Variants in HMGB1 observed in about 807,000 individuals in gnomAD.
HMGB1 encodes the protein high mobility group box 1, also known as high mobility group protein B1.
For missense variants in HMGB1, 79 were observed against 253.5 expected (o/e 0.31, Z 4.67); for synonymous variants, 81 against 84.0 (o/e 0.96, Z 0.19).
intron 1 of HMGB1, among the ~76,000 whole-genome samples, chr13:30,529,516 C>A (rs921015273): frequency 6.6e-6 from 1 of 152,164 alleles, no homozygotes; most frequent in Non-Finnish European, 1.5e-5. Flanking sequence ...TGAAACATGA[C>A]CATTTCAAAC....
chr13:30,541,154 TC>T (rs1868858827), intron 1 of HMGB1, among the ~76,000 whole-genome samples: 1 of 152,210 alleles, frequency 6.6e-6, no homozygotes, highest in Admixed American at 6.5e-5. Context: ...AAATTTATTG[TC>T]CACTTACATG....
intron 1 of HMGB1, chr13:30,616,644 G>A (rs371224518): frequency 5.9e-5 from 9 of 152,214 alleles, no homozygotes; most frequent in African/African-American, 2.2e-4. Context: ...ATCTAGTAAA[G>A]CAACAGAAAA....
intron 1 of HMGB1, chr13:30,465,249 C>T: frequency 4.8e-6 from 1 of 207,600 alleles, no homozygotes; most frequent in Non-Finnish European, 8.0e-6. Context: ...CTGCCGCCCC[C>T]AGGCCCCCGC....
chr13:30,585,561 C>A (rs1430281056), intron 1 of HMGB1, among the ~76,000 whole-genome samples: 1 of 151,738 alleles, frequency 6.6e-6, no homozygotes, highest in Non-Finnish European at 1.5e-5. Context: ...GCCTGTAATC[C>A]CAGCTACTCG....
intron 1 of HMGB1, among the ~76,000 whole-genome samples, chr13:30,586,479 G>GTTTTT (rs11315470): frequency 9.5e-6 from 1 of 105,092 alleles, no homozygotes; most frequent in Non-Finnish European, 2.0e-5. Flanking sequence ...GGTTTTTTTT[G>GTTTTT]TTTTTTTTTT....
chr13:30,534,365 C>T (rs921907091), intron 1 of HMGB1, among the ~76,000 whole-genome samples: 11 of 152,186 alleles, frequency 7.2e-5, no homozygotes, highest in African/African-American at 2.7e-4. Flanking sequence ...GAAAGCTCTG[C>T]TCTACAAAAA....
intron 1 of HMGB1, chr13:30,464,031 T>A: frequency 1.1e-6 from 1 of 897,112 alleles, no homozygotes; most frequent in Non-Finnish European, 1.3e-6. Flanking sequence ...TAGAACACCA[T>A]TTTAAACCAA....
intron 1 of HMGB1, among the ~76,000 whole-genome samples, chr13:30,550,603 C>T (rs1869382866): frequency 6.6e-6 from 1 of 152,160 alleles, no homozygotes; most frequent in Non-Finnish European, 1.5e-5. Context: ...GAACTGCTCC[C>T]ATGCCGAGGG....
chr13:30,470,084 A>T (rs189043753), upstream of HMGB1, among the ~76,000 whole-genome samples: 756 of 142,650 alleles, frequency 5.3e-3, 10 homozygotes, highest in African/African-American at 0.019. Flanking sequence ...GGTGCTGGCT[A>T]TTTTTTTTTT....
At position 30,471,654 on chromosome 13, in the gene HMGB1, C is replaced by CTTTTTT. The variant is rs1171119586; in HGVS notation, c.-14-7966_-14-7961dup. Among the ~76,000 whole-genome samples, 9 of 30,616 alleles carry CTTTTTT rather than the reference C, an allele frequency of 2.9e-4. 1 individual carries two copies. Among genetic ancestry groups the CTTTTTT allele is most frequent in the Admixed American group, 5.9e-4 (1 of 1,700 alleles). 20.1% of individuals were successfully genotyped at this position (30,616 alleles called of 152,430 possible). A position where few individuals can be genotyped will look rare whatever the true frequency, so the allele number is the denominator to read the frequency against. On this transcript the variant is annotated intron_variant, in intron 1 of 4. Transcript: ENST00000405805. ...ACAGGCATGAGCCACCGTGCCCGGC[C>CTTTTTT]TTTTTTTTTTTTTTTTTTTTTTTTT...
At chr13:30,474,255 G>A (rs957641719) in intron 1 of HMGB1, among the ~76,000 whole-genome samples, 1 of 152,076 alleles carries the variant, frequency 6.6e-6, no homozygotes, top group African/African-American at 2.4e-5. Context: ...AGTGGTTTTG[G>A]TTAACTAAAG....
chr13:30,560,667 A>G (rs1284499816), intron 1 of HMGB1, among the ~76,000 whole-genome samples: 5 of 152,200 alleles, frequency 3.3e-5, no homozygotes, highest in Non-Finnish European at 7.4e-5. Context: ...TTGGGCTTAA[A>G]GAGGTAGGAG....
intron 1 of HMGB1, among the ~76,000 whole-genome samples, chr13:30,587,912 A>T (rs552958285): frequency 6.6e-6 from 1 of 152,300 alleles, no homozygotes; most frequent in South Asian, 2.1e-4. Context: ...CTCAATACAT[A>T]ATGACTAATC....
At chr13:30,574,438 T>C (rs1031776257) in intron 1 of HMGB1, among the ~76,000 whole-genome samples, 2 of 152,242 alleles carry the variant, frequency 1.3e-5, no homozygotes, top group Admixed American at 6.5e-5. Flanking sequence ...CAATAAATGG[T>C]TGCTAAATGA....
chr13:30,608,616 G>A (rs1299677648), intron 1 of HMGB1, among the ~76,000 whole-genome samples: 3 of 152,144 alleles, frequency 2.0e-5, no homozygotes, highest in Non-Finnish European at 4.4e-5. Context: ...TTCCATTTGG[G>A]ATTTGGCTGA....
At chr13:30,522,876 TGGCTCATTTTTGTATTTTTAG>T (rs1211219667) in intron 1 of HMGB1, among the ~76,000 whole-genome samples, 3 of 152,200 alleles carry the variant, frequency 2.0e-5, no homozygotes, top group African/African-American at 7.2e-5. Flanking sequence ...CTGCCGTGCC[TGGCTCATTTTTGTATTTTTAG>T]TAGACAGGGT....
rs979272992 is a variant in HMGB1, at chr13:30,465,813, G to C, written c.-32C>G. 1.0e-5 allele frequency: 10 copies of C among 985,566 alleles called. No homozygotes were observed. The Admixed American group carries it at 4.9e-4, about 48-fold the overall frequency. The allele number at this position is 985,566 out of a possible 1,614,324, so 61.1% of individuals were successfully genotyped here. ...AGACTCACCCTCAGCGAGGCACAGA[G>C]TCGCCCAGTGCCCGTCCGGCTCTCA... On this transcript the variant is annotated 5_prime_UTR_variant, in exon 1 of 5. Coordinates refer to ENST00000341423, the MANE Select transcript of HMGB1 (RefSeq NM_002128.7).
At chr13:30,588,082 GAAAC>G (rs1156996942) in intron 1 of HMGB1, among the ~76,000 whole-genome samples, 10 of 152,162 alleles carry the variant, frequency 6.6e-5, no homozygotes, top group African/African-American at 7.2e-5. Flanking sequence ...TATTATTTAA[GAAAC>G]AAACATTTAT....
chr13:30,511,228 T>C (rs1021195231), intron 1 of HMGB1, among the ~76,000 whole-genome samples: 58 of 152,208 alleles, frequency 3.8e-4, no homozygotes, highest in African/African-American at 1.4e-3. Flanking sequence ...CACCAAATGA[T>C]ACGGTTTGGA....
Sources: allele counts gnomAD v4.1 joint callset (sites outside exome capture counted in the v4.1 genomes callset), GRCh38; gene constraint gnomAD v4.1.1; transcripts MANE v1.5; gene names NCBI Gene and HGNC (gene_info 2026-07-23, HGNC 2026-07-21).